VCAN: variants seen among roughly 807,000 people sequenced by gnomAD.
The protein encoded by VCAN is versican.
Under a neutral mutation model 245.5 loss-of-function variants are expected in VCAN, and 44 were observed. The observed-to-expected ratio is 0.18, with a 90% CI of 0.14 to 0.23. VCAN has a LOEUF of 0.23. VCAN is among the 10% of genes least tolerant of loss of function. VCAN has a pLI of 1.00. For synonymous variants in VCAN, 1,413 were observed against 1,437.0 expected (o/e 0.98, Z 0.38); for missense variants, 3,793 against 4,057.9 (o/e 0.93, Z 1.77).
intron 8 of VCAN, 69 bp downstream of exon 8, chr5:83,542,337 G>A (rs1747039583): frequency 2.0e-6 from 3 of 1,497,870 alleles, no homozygotes; most frequent in Admixed American, 1.7e-5. Flanking sequence ...ACGTTTATAT[G>A]TATGTAATTT....
intron 1 of VCAN, among the ~76,000 whole-genome samples, chr5:83,475,287 T>C (rs1456672820): frequency 6.6e-6 from 1 of 152,228 alleles, no homozygotes; most frequent in Non-Finnish European, 1.5e-5. Flanking sequence ...GACGAGACGG[T>C]GCTTCTTAGA....
Position 83,538,576 on chromosome 5 carries a change from A to G in VCAN, c.5573A>G (p.Tyr1858Cys), listed in dbSNP as rs746563587. Residue 1858 changes from tyrosine (Y) to cysteine (C), a missense_variant, in exon 8 of 15, where the codon TAT becomes TGT. By Grantham distance (194) the Tyr-to-Cys change is radical (BLOSUM62 -2). Coordinates refer to ENST00000265077, the MANE Select transcript of VCAN (RefSeq NM_004385.5). ...TCTTCATTTTCATTAAACGTAGAGT[A>G]TGCAATTCAAGCCGAAAAGGAAGTA... ...TVSSFSLNVE[Y>C]AIQAEKEVAG... is the part of the protein sequence containing the mutation. 8 of 1,613,898 alleles carry G rather than the reference A, an allele frequency of 5.0e-6. No homozygotes were observed. The highest frequency in any genetic ancestry group is 6.8e-6 in the Non-Finnish European group (8 of 1,179,962).
chr5:83,573,478 C>G (rs184071673), intron 13 of VCAN, among the ~76,000 whole-genome samples: 1 of 151,578 alleles, frequency 6.6e-6, no homozygotes, highest in African/African-American at 2.4e-5. Context: ...AAGACACAAT[C>G]CCAAATGCCA....
chr5:83,531,248 C>G (rs1746508246), intron 7 of VCAN: 1 of 152,108 alleles, frequency 6.6e-6, no homozygotes, highest in South Asian at 2.1e-4. Flanking sequence ...GTGGTATACC[C>G]AAACTTGTTT....
At chr5:83,544,475 T>G (rs1419623492) in intron 8 of VCAN, among the ~76,000 whole-genome samples, 1 of 152,220 alleles carries the variant, frequency 6.6e-6, no homozygotes, top group Non-Finnish European at 1.5e-5. Context: ...TTCTTTAAGC[T>G]AATGTTTCAT....
intron 1 of VCAN, among the ~76,000 whole-genome samples, chr5:83,477,977 C>G (rs1210384919): frequency 7.1e-6 from 1 of 140,712 alleles, no homozygotes; most frequent in Non-Finnish European, 1.5e-5. Context: ...GAGATGGAGT[C>G]TGTTACTCAG....
chr5:83,491,487 G>T (rs1480806210), intron 3 of VCAN, among the ~76,000 whole-genome samples: 1 of 151,936 alleles, frequency 6.6e-6, no homozygotes, highest in Non-Finnish European at 1.5e-5. Flanking sequence ...CTATTTTTAT[G>T]TTGTCTAGGC....
At chr5:83,517,836 A>G (rs760079510) in intron 6 of VCAN, among the ~76,000 whole-genome samples, 1 of 152,216 alleles carries the variant, frequency 6.6e-6, no homozygotes, top group East Asian at 1.9e-4. Context: ...TCAAATGTTC[A>G]TGATAAAATC....
intron 12 of VCAN, among the ~76,000 whole-genome samples, chr5:83,564,252 G>A (rs1395976388): frequency 6.6e-6 from 1 of 151,992 alleles, no homozygotes; most frequent in Non-Finnish European, 1.5e-5. Flanking sequence ...CATATTCCAA[G>A]TTCTCTTTTG....
chr5:83,484,266 T>A (rs1240975396), intron 2 of VCAN, among the ~76,000 whole-genome samples: 4 of 152,220 alleles, frequency 2.6e-5, no homozygotes, highest in African/African-American at 9.6e-5. Flanking sequence ...ATTTTCCAGA[T>A]GAATTCCTTT....
intron 7 of VCAN, among the ~76,000 whole-genome samples, chr5:83,525,601 A>G (rs546329090): frequency 1.3e-5 from 2 of 152,202 alleles, no homozygotes; most frequent in Non-Finnish European, 2.9e-5. Context: ...ACCTTTTTTA[A>G]CAAACAAATT....
rs115070049 is a variant in VCAN at position 83,537,109 on chromosome 5, C to T, written c.4106C>T (p.Ala1369Val). The part of the protein sequence containing the change: ...EETDPVHDLM[A>V]EILPEFPDII... ...ACAGATCCAGTGCATGATCTAATGG[C>T]TGAAATTTTACCTGAATTCCCTGAC... Residue 1369 changes from alanine (A) to valine (V), a missense_variant, in exon 8 of 15, where the codon GCT (alanine) becomes GTT (valine). Physicochemically the swap from Ala to Val is moderately conservative, Grantham distance 64. Around this residue, in one of 5 missense-constraint regions of VCAN, gnomAD observed 3,182 missense variants for 3,250.3 expected, o/e 0.98. Transcript: ENST00000265077. The T allele has an allele frequency of 8.7e-6, 14 of 1,613,780 alleles. No individual in the cohort carries two copies. The highest frequency in any genetic ancestry group is 2.2e-5 in the East Asian group (1 of 44,860).
chr5:83,524,536 GTACCTACC>G (rs58462835), intron 7 of VCAN, among the ~76,000 whole-genome samples: 7,888 of 147,304 alleles, frequency 0.054, 450 homozygotes, highest in East Asian at 0.19. Flanking sequence ...ACCTACCTGC[GTACCTACC>G]TACCTACCTA....
intron 7 of VCAN, among the ~76,000 whole-genome samples, chr5:83,529,272 G>A (rs1260187526): frequency 1.3e-5 from 2 of 149,916 alleles, no homozygotes; most frequent in Non-Finnish European, 3.0e-5. Flanking sequence ...CATTGTTACA[G>A]GAGGCACTCT....
rs77680490 is a variant in VCAN at position 83,536,943 on chromosome 5, A to G, written c.4004-64A>G. 2.3e-3 allele frequency: 3,299 copies of G among 1,434,972 alleles called. 44 individuals carry two copies. In the African/African-American group the frequency reaches 0.026, roughly 11 times the overall value. The allele number at this position is 1,434,972 out of a possible 1,614,324, so 88.9% of individuals were successfully genotyped here. A position where few individuals can be genotyped will look rare whatever the true frequency, so the allele number is the denominator to read the frequency against. ...GTGGGTGTGACCAGCCTTGCTATCA[A>G]TTTCTTCTGTCATACACTGCCAAAT... On this transcript the variant is annotated intron_variant, in intron 7 of 14. Coordinates refer to ENST00000265077, the MANE Select transcript of VCAN (RefSeq NM_004385.5).
In VCAN at chr5:83,539,718, G is replaced by A; in HGVS notation, c.6715G>A (p.Gly2239Ser). The A allele has an allele frequency of 6.2e-7, 1 of 1,613,676 alleles. No individual in the cohort carries two copies. The highest frequency in any genetic ancestry group is 8.5e-7 in the Non-Finnish European group (1 of 1,179,982). Residue 2239 changes from glycine (G) to serine (S), a missense_variant, in exon 8 of 15, where the codon GGC (glycine) becomes AGC (serine). Physicochemically the swap from Gly to Ser is moderately conservative, Grantham distance 56. Coordinates refer to ENST00000265077, the MANE Select transcript of VCAN (RefSeq NM_004385.5). Reference sequence around the variant, plus strand: ...AGAAAGTACAAAACATTTTCCGAAAGGCATGAGACCAACAATTCAAGAGTC... The same window carrying A: ...AGAAAGTACAAAACATTTTCCGAAAAGCATGAGACCAACAATTCAAGAGTC... ...KEESTKHFPKGMRPTIQESDT... is the reference protein window; with the variant it reads ...KEESTKHFPKSMRPTIQESDT...
chr5:83,497,583 A>G (rs1253226138), intron 5 of VCAN, among the ~76,000 whole-genome samples: 1 of 152,230 alleles, frequency 6.6e-6, no homozygotes, highest in Non-Finnish European at 1.5e-5. Context: ...AGATGATTCA[A>G]TCAGTAATAG....
At position 83,540,896 on chromosome 5, in the gene VCAN, A is replaced by T. The variant is rs148063549; in HGVS notation, c.7893A>T (p.Leu2631Phe). ...ATGAGGCAGCTGTCAACCTTTCTTT[A>T]ACTGAGGAAACATTTGAGGGCTCTG... ...EIYEAAVNLS[L>F]TEETFEGSAD... The change falls in exon 8 of 15, where the codon TTA (leucine) becomes TTT (phenylalanine). Residue 2631 changes from leucine (L) to phenylalanine (F), a missense_variant. By Grantham distance (22) the Leu-to-Phe change is conservative. Around this residue, in one of 5 missense-constraint regions of VCAN, gnomAD observed 3,182 missense variants for 3,250.3 expected, o/e 0.98. Coordinates refer to ENST00000265077, the MANE Select transcript of VCAN (RefSeq NM_004385.5). The T allele has an allele frequency of 2.6e-4, 422 of 1,613,906 alleles. No homozygotes were observed. Among genetic ancestry groups the T allele is most frequent in the Non-Finnish European group, 3.4e-4 (397 of 1,179,996 alleles).
At chr5:83,497,602 T>C (rs1301339430) in intron 5 of VCAN, among the ~76,000 whole-genome samples, 1 of 152,218 alleles carries the variant, frequency 6.6e-6, no homozygotes, top group Non-Finnish European at 1.5e-5. Flanking sequence ...AGAATGCTAT[T>C]ATTAAGAAAT....
Sources: allele counts gnomAD v4.1 joint callset (sites outside exome capture counted in the v4.1 genomes callset), GRCh38; gene constraint gnomAD v4.1.1; regional missense constraint gnomAD v4.1.1; transcripts MANE v1.5; gene names NCBI Gene and HGNC (gene_info 2026-07-23, HGNC 2026-07-21).